Variants in CDYL2 observed in about 807,000 individuals in gnomAD.
The protein encoded by CDYL2 is chromodomain Y like 2.
Under a neutral mutation model 49.4 loss-of-function variants are expected in CDYL2, and 23 were observed. That is an observed-to-expected ratio of 0.47 (90% CI 0.34 to 0.66). The LOEUF (loss-of-function observed/expected upper bound fraction) is 0.66. Ranked by LOEUF, CDYL2 falls within the 30% of genes least tolerant of loss-of-function variation. The probability of loss-of-function intolerance (pLI) is 0.01; values close to 1 mark genes in which losing one functional copy is unlikely to be tolerated. For missense variants in CDYL2, 678 were observed against 656.4 expected, an observed-to-expected ratio of 1.03 and a Z score of -0.36; for synonymous variants, 360 against 268.8, an observed-to-expected ratio of 1.34 and a Z score of -3.32.
chr16:80,633,677 G>T (rs1907678449), intron 2 of CDYL2, among the ~76,000 whole-genome samples: 1 of 152,088 alleles, frequency 6.6e-6, no homozygotes, highest in Non-Finnish European at 1.5e-5. Context: ...TCACGAGCAT[G>T]ACCTTATTTA....
At chr16:80,723,058 G>A (rs148208975) in intron 1 of CDYL2, among the ~76,000 whole-genome samples, 39 of 152,324 alleles carry the variant, frequency 2.6e-4, no homozygotes, top group Non-Finnish European at 2.1e-4. Flanking sequence ...TGCCACACTC[G>A]GCAGGGCGCT....
At chr16:80,608,994 A>C (rs1906474183) in intron 5 of CDYL2, among the ~76,000 whole-genome samples, 1 of 152,164 alleles carries the variant, frequency 6.6e-6, no homozygotes, top group South Asian at 2.1e-4. Flanking sequence ...CACAATACCA[A>C]GGCAGAGACG....
chr16:80,700,908 A>C (rs532515397), intron 1 of CDYL2, among the ~76,000 whole-genome samples: 1 of 152,384 alleles, frequency 6.6e-6, no homozygotes, highest in South Asian at 2.1e-4. Flanking sequence ...CCACAGCAAC[A>C]GAGCAGGCCA....
intron 2 of CDYL2, among the ~76,000 whole-genome samples, chr16:80,642,005 G>A: frequency 6.6e-6 from 1 of 152,044 alleles, no homozygotes; most frequent in Admixed American, 6.5e-5. Context: ...GTAACTGTGG[G>A]ATGTAAACTA....
chr16:80,683,009 T>TTC (rs1910030092), intron 2 of CDYL2, among the ~76,000 whole-genome samples: 1 of 152,146 alleles, frequency 6.6e-6, no homozygotes, highest in Non-Finnish European at 1.5e-5. Flanking sequence ...TTGCTCAGAT[T>TTC]TCTCAGCAAG....
chr16:80,745,708 G>C (rs892092604), intron 1 of CDYL2, among the ~76,000 whole-genome samples: 1 of 152,194 alleles, frequency 6.6e-6, no homozygotes, highest in Non-Finnish European at 1.5e-5. Context: ...TTCTGCCCTA[G>C]ATTTAGCTTT....
At chr16:80,727,465 T>C (rs1482686804) in intron 1 of CDYL2, among the ~76,000 whole-genome samples, 1 of 152,240 alleles carries the variant, frequency 6.6e-6, no homozygotes, top group African/African-American at 2.4e-5. Context: ...GGAGTCTCGC[T>C]GATTGCTAGC....
rs76430587 is a variant in CDYL2, at chr16:80,612,900, T to C, written c.1008-64A>G. 4,427 of 1,444,050 alleles carry C rather than the reference T, an allele frequency of 3.1e-3. 110 individuals carry two copies. In the African/African-American group the frequency reaches 0.054, roughly 17 times the overall value. The allele number at this position is 1,444,050 out of a possible 1,614,324, so 89.5% of individuals were successfully genotyped here. On this transcript the variant is annotated intron_variant, in intron 4 of 6. Transcript: ENST00000570137. This position sits in a 1 kb window ranked among gnomAD's most constrained non-coding sequence, Gnocchi z 5.0. ...AGCATGCTAAGCCCCACTGGAACCC[T>C]TGACTCTCCCAGGTGCTGTGAGGAG...
In CDYL2 at chr16:80,606,880, A is replaced by G. The variant is rs946289740; in HGVS notation, c.1362+1212T>C. Among the ~76,000 whole-genome samples, 6 of 152,170 alleles carry G rather than the reference A, an allele frequency of 3.9e-5. No homozygotes were observed. In the East Asian group the frequency reaches 5.8e-4, roughly 15 times the overall value. ...TGTCTTGTCTGCCGCCATGTAAGAC[A>G]TGCCTTTGGCCTTCCGCCATGATTG... On this transcript the variant is annotated intron_variant, in intron 6 of 6. Coordinates refer to ENST00000570137, the MANE Select transcript of CDYL2 (RefSeq NM_152342.4).
At position 80,783,439 on chromosome 16, in the gene CDYL2, A is replaced by C. The variant is rs80236515; in HGVS notation, c.24+20711T>G. Among the ~76,000 whole-genome samples, 1,325 of 152,256 alleles carry C rather than the reference A, an allele frequency of 8.7e-3. 21 individuals carry two copies. Among genetic ancestry groups the C allele is most frequent in the African/African-American group, 0.03 (1,247 of 41,552 alleles). On this transcript the variant is annotated intron_variant, in intron 1 of 6. Transcript: ENST00000570137. ...GGGTGTAAAATGGAAAATGGTTTGG[A>C]AGTTTCTCAAAAAGTTAAAAATAGA...
At chr16:80,677,501 G>A (rs901634471) in intron 2 of CDYL2, among the ~76,000 whole-genome samples, 2 of 152,098 alleles carry the variant, frequency 1.3e-5, no homozygotes, top group Non-Finnish European at 2.9e-5. Flanking sequence ...CACTTTGGGA[G>A]GCTGAGGCGG....
Position 80,604,481 on chromosome 16 carries a change from C to G in CDYL2, c.1428G>C (p.Glu476Asp). The G allele has an allele frequency of 6.2e-7, 1 of 1,614,208 alleles. No homozygotes were observed. The highest frequency in any genetic ancestry group is 8.5e-7 in the Non-Finnish European group (1 of 1,180,036). The change falls in exon 7 of 7, where the codon GAG (glutamate) becomes GAC (aspartate). Residue 476 changes from glutamate to aspartate, a missense_variant. Around this residue, in one of 3 missense-constraint regions of CDYL2, gnomAD observed 153 missense variants for 150.6 expected, o/e 1.02. Coordinates refer to ENST00000570137, the MANE Select transcript of CDYL2 (RefSeq NM_152342.4). ...FLKSVLEDVN[E>D]KECLMLKQLW... The stretch of plus-strand genomic sequence containing the variant: ...GCTGCTTGAGCATGAGGCATTCCTT[C>G]TCGTTCACGTCTTCCAGCACTGATT...
At chr16:80,708,774 G>C (rs1489878332) in intron 1 of CDYL2, among the ~76,000 whole-genome samples, 1 of 152,058 alleles carries the variant, frequency 6.6e-6, no homozygotes, top group South Asian at 2.1e-4. Context: ...CTTATATGTA[G>C]AAAGTACTAG....
intron 1 of CDYL2, among the ~76,000 whole-genome samples, chr16:80,744,603 G>C (rs1905861733): frequency 6.6e-6 from 1 of 152,176 alleles, no homozygotes; most frequent in Non-Finnish European, 1.5e-5. Context: ...TCAAAATACA[G>C]GTGAAGAAAC....
chr16:80,603,705 C>A lies in CDYL2; in HGVS notation c.*683G>T, dbSNP rs868536356. 1.3e-5 allele frequency: 2 copies of A among 152,564 alleles called. No individual in the cohort carries two copies. The highest frequency in any genetic ancestry group is 4.8e-5 in the African/African-American group (2 of 41,420). The allele number at this position is 152,564 out of a possible 1,614,324, so 9.5% of individuals were successfully genotyped here. ...GTCCAAGGAAAGAAAAAACATTTCC[C>A]TAGTAGTTTGTTTTTGCAAAACTAG... On this transcript the variant is annotated 3_prime_UTR_variant, in exon 7 of 7. Transcript: ENST00000570137.
chr16:80,698,496 T>C (rs538012199), intron 1 of CDYL2, among the ~76,000 whole-genome samples: 6 of 152,246 alleles, frequency 3.9e-5, no homozygotes, highest in Admixed American at 2.6e-4. Context: ...AATAAGCATA[T>C]GTGATACGGT....
intron 1 of CDYL2, among the ~76,000 whole-genome samples, chr16:80,692,599 G>C (rs575037373): frequency 1.1e-4 from 16 of 152,256 alleles, no homozygotes; most frequent in African/African-American, 3.9e-4. Flanking sequence ...CTGGAGTTGA[G>C]GCTTAAGTAA....
chr16:80,768,974 G>A (rs1344076139), intron 1 of CDYL2, among the ~76,000 whole-genome samples: 2 of 152,090 alleles, frequency 1.3e-5, no homozygotes, highest in African/African-American at 2.4e-5. Flanking sequence ...AAACAAGTCT[G>A]GCCACCAGCC....
At chr16:80,786,184 C>G (rs6564791) in intron 1 of CDYL2, among the ~76,000 whole-genome samples, 4,406 of 152,190 alleles carry the variant, frequency 0.029, 177 homozygotes, top group African/African-American at 0.089. Context: ...GCAACCTACA[C>G]AATGGGAGAA....
Sources: allele counts gnomAD v4.1 joint callset (sites outside exome capture counted in the v4.1 genomes callset), GRCh38; gene constraint gnomAD v4.1.1; regional missense constraint gnomAD v4.1.1; non-coding constraint Gnocchi (gnomAD v3.1); transcripts MANE v1.5; gene names NCBI Gene and HGNC (gene_info 2026-07-23, HGNC 2026-07-21).